Variants in SRSF4 observed in about 807,000 individuals in gnomAD.
The protein encoded by SRSF4 is serine and arginine rich splicing factor 4, also known as serine/arginine-rich splicing factor 4.
Under a neutral mutation model 48.8 loss-of-function variants are expected in SRSF4, and 12 were observed. That is an observed-to-expected ratio of 0.25 (90% confidence interval 0.16 to 0.40). The LOEUF (loss-of-function observed/expected upper bound fraction) is 0.40. SRSF4 is among the 10% of genes least tolerant of loss of function. SRSF4 has a pLI of 1.00. For synonymous variants in SRSF4, 248 were observed against 232.5 expected (o/e 1.07, Z -0.61); for missense variants, 466 against 667.1 (o/e 0.70, Z 3.32).
Position 29,148,981 on chromosome 1 carries a change from T to C in SRSF4, c.914A>G (p.Gln305Arg). 1.2e-6 allele frequency: 2 copies of C among 1,613,264 alleles called. No homozygotes were observed. Among genetic ancestry groups the C allele is most frequent in the Non-Finnish European group, 1.7e-6 (2 of 1,179,844 alleles). ...CTTCTCCTCCTCCACTCTCCTCTCC[T>C]GACTCCTGCTCCGACTTTTGCTCTT... The part of the protein sequence containing the change: ...KSKSKSRSRS[Q>R]ERRVEEEKRG... The change falls in exon 6 of 6, where the codon CAG (glutamine) becomes CGG (arginine). Residue 305 changes from glutamine to arginine, a missense_variant. Physicochemically the swap from Gln to Arg is conservative, Grantham distance 43 (BLOSUM62 1). This residue lies in a region of SRSF4 where 402 missense variants were observed against 437.0 expected (regional missense o/e 0.92). Transcript: ENST00000373795.
At chr1:29,169,109 T>C (rs963780092) in intron 1 of SRSF4, 1 of 152,276 alleles carries the variant, frequency 6.6e-6, no homozygotes, top group Non-Finnish European at 1.5e-5. Flanking sequence ...AGTTTTACGA[T>C]GTATAAAGCA....
chr1:29,159,997 G>T (rs1484096921), intron 2 of SRSF4: 8 of 191,138 alleles, frequency 4.2e-5, no homozygotes, highest in Non-Finnish European at 8.6e-5. Context: ...AAAGAGCCAC[G>T]CATGGAAAGG....
intron 1 of SRSF4, among the ~76,000 whole-genome samples, chr1:29,181,220 G>A (rs1283225428): frequency 6.6e-6 from 1 of 152,230 alleles, no homozygotes; most frequent in African/African-American, 2.4e-5. Context: ...ATGAGACCGG[G>A]CAAGAGGTGA....
chr1:29,149,463 G>A (rs10915233), intron 5 of SRSF4, among the ~76,000 whole-genome samples: 56,299 of 151,784 alleles, frequency 0.37, 11,226 homozygotes, highest in Non-Finnish European at 0.44. Context: ...GGCGGATCGC[G>A]AGGTCAGGAG....
chr1:29,167,175 A>C (rs747825812), intron 1 of SRSF4, among the ~76,000 whole-genome samples: 25 of 152,250 alleles, frequency 1.6e-4, no homozygotes, highest in Middle Eastern at 3.4e-3. Flanking sequence ...TCAGCTACTA[A>C]ATCATTTTTT....
Position 29,157,337 on chromosome 1 carries a change from AAG to A in SRSF4, c.363+2035_363+2036del, listed in dbSNP as rs1672515914. On this transcript the variant is annotated intron_variant, in intron 3 of 5. Coordinates refer to ENST00000373795, the MANE Select transcript of SRSF4 (RefSeq NM_005626.5). ...TAAGCTCTGTTCTAACAAAAAAATT[AAG>A]AGGTTTTCTAAGAAGTTAATTTAAT... is the stretch of plus-strand genomic sequence containing the variant. Among the ~76,000 whole-genome samples, 7 of 152,314 alleles carry A rather than the reference AAG, an allele frequency of 4.6e-5. No individual in the cohort carries two copies. The South Asian group carries it at 1.5e-3, about 32-fold the overall frequency.
chr1:29,178,151 C>T (rs572617979), intron 1 of SRSF4, among the ~76,000 whole-genome samples: 28 of 151,678 alleles, frequency 1.8e-4, no homozygotes, highest in Admixed American at 3.9e-4. Context: ...CCACCTACCT[C>T]GGCCTCCCAA....
chr1:29,165,040 CA>C (rs62697764), intron 1 of SRSF4, among the ~76,000 whole-genome samples: 1 of 151,822 alleles, frequency 6.6e-6, no homozygotes, highest in African/African-American at 2.4e-5. Context: ...TCCCAAATCC[CA>C]AAAAAAACCC....
intron 1 of SRSF4, chr1:29,172,821 T>C (rs1672764492): frequency 6.6e-6 from 1 of 152,100 alleles, no homozygotes; most frequent in South Asian, 2.1e-4. Context: ...ATGCACATAA[T>C]ACCCATCACA....
At position 29,181,773 on chromosome 1, in the gene SRSF4, C is replaced by G. The variant is rs1013970320; in HGVS notation, c.-21G>C. 2 of 1,558,694 alleles carry G rather than the reference C, an allele frequency of 1.3e-6. No individual in the cohort carries two copies. Among genetic ancestry groups the G allele is most frequent in the Non-Finnish European group, 1.7e-6 (2 of 1,158,294 alleles). On this transcript the variant is annotated 5_prime_UTR_variant, in exon 1 of 6. Transcript: ENST00000373795. ...GGCATCCCGGCAACGGCAGTGATGG[C>G]TGGCCCCGGCCCCAGCCCCCCTTAG...
intron 1 of SRSF4, among the ~76,000 whole-genome samples, chr1:29,176,171 G>T (rs976269102): frequency 6.6e-6 from 1 of 152,108 alleles, no homozygotes; most frequent in African/African-American, 2.4e-5. Context: ...AGAATTGCTT[G>T]AACCCAAAAG....
intron 1 of SRSF4, among the ~76,000 whole-genome samples, chr1:29,168,030 A>T (rs71642260): frequency 0.051 from 1,433 of 28,266 alleles, 13 homozygotes; most frequent in Non-Finnish European, 0.099. Context: ...TTTTTTTTTT[A>T]AAAAAAACAT....
intron 4 of SRSF4, among the ~76,000 whole-genome samples, chr1:29,154,186 C>G (rs919607135): frequency 6.6e-6 from 1 of 152,212 alleles, no homozygotes. Flanking sequence ...TCTGCCTCCG[C>G]CTCCCGAGTC....
chr1:29,181,534 C>A, intron 1 of SRSF4, 112 bp downstream of exon 1: 1 of 948,410 alleles, frequency 1.1e-6, no homozygotes, highest in Non-Finnish European at 1.5e-6. Context: ...GGAGCCTGGC[C>A]AGGCCGGTAG....
In SRSF4 at chr1:29,147,864, A is replaced by C. The variant is rs1218634984; in HGVS notation, c.*546T>G. On this transcript the variant is annotated 3_prime_UTR_variant, in exon 6 of 6. Coordinates refer to ENST00000373795, the MANE Select transcript of SRSF4 (RefSeq NM_005626.5). ...TTCTTTTCTTTTTTAATATAAAACAATATAATCACAATACCAGAATATGGA... is the reference window on the plus strand; with the variant it reads ...TTCTTTTCTTTTTTAATATAAAACACTATAATCACAATACCAGAATATGGA... The C allele has an allele frequency of 5.2e-6, 1 of 190,722 alleles. No individual in the cohort carries two copies. Among genetic ancestry groups the C allele is most frequent in the Non-Finnish European group, 1.1e-5 (1 of 88,692 alleles). The allele number at this position is 190,722 out of a possible 1,614,324, so 11.8% of individuals were successfully genotyped here.
chr1:29,181,585 G>T, intron 1 of SRSF4, 61 bp downstream of exon 1: 1 of 1,387,744 alleles, frequency 7.2e-7, no homozygotes, highest in Non-Finnish European at 9.8e-7. Context: ...CGTCCCCGCG[G>T]CCTCCCCACC....
intron 2 of SRSF4, 70 bp downstream of exon 2, chr1:29,160,299 ATCAATT>A (rs1163942015): frequency 4.1e-6 from 6 of 1,457,436 alleles, no homozygotes; most frequent in East Asian, 2.5e-5. Context: ...TAAATGTAAT[ATCAATT>A]AATTACTTTA....
At chr1:29,162,913 CA>C (rs1186714769) in intron 1 of SRSF4, among the ~76,000 whole-genome samples, 3 of 152,198 alleles carry the variant, frequency 2.0e-5, no homozygotes, top group Non-Finnish European at 4.4e-5. Context: ...CCGCTGATGG[CA>C]AGTGATGCTT....
chr1:29,162,270 C>G (rs1672610822), intron 1 of SRSF4, among the ~76,000 whole-genome samples: 2 of 152,178 alleles, frequency 1.3e-5, no homozygotes, highest in South Asian at 4.1e-4. Flanking sequence ...TTTGAACATG[C>G]TGTTATCTTA....
Sources: gnomAD v4.1 joint callset for allele counts (sites outside exome capture counted in the v4.1 genomes callset) on GRCh38, gnomAD v4.1.1 for gene constraint, gnomAD v4.1.1 regional missense constraint, MANE v1.5 for transcripts, NCBI Gene and HGNC (gene_info 2026-07-23, HGNC 2026-07-21) for gene names.